AGBL4: variants seen among roughly 807,000 people sequenced by gnomAD.
The protein encoded by AGBL4 is cytosolic carboxypeptidase 6.
Under a neutral mutation model 66.4 loss-of-function variants are expected in AGBL4, and 58 were observed. The observed-to-expected ratio is 0.87, with a 90% confidence interval of 0.71 to 1.09. The LOEUF (loss-of-function observed/expected upper bound fraction) is 1.09, where lower values mean the gene tolerates loss of function less well. Ranked by LOEUF, AGBL4 falls within the 50% of genes least tolerant of loss-of-function variation. AGBL4 has a pLI of 0.00. For synonymous variants in AGBL4, 234 were observed against 222.9 expected, an observed-to-expected ratio of 1.05 and a Z score of -0.44; for missense variants, 579 against 631.0, an observed-to-expected ratio of 0.92 and a Z score of 0.88.
chr1:49,669,106 C>T (rs1646425972), intron 3 of AGBL4, among the ~76,000 whole-genome samples: 1 of 151,992 alleles, frequency 6.6e-6, no homozygotes, highest in African/African-American at 2.4e-5. Flanking sequence ...GTGCAGAAAA[C>T]GTGGGCACGT....
intron 11 of AGBL4, among the ~76,000 whole-genome samples, chr1:48,566,610 G>A (rs1035843563): frequency 6.6e-6 from 1 of 152,248 alleles, no homozygotes; most frequent in Non-Finnish European, 1.5e-5. Flanking sequence ...TTCTGTGAGG[G>A]TGCTTGTGGA....
intron 1 of AGBL4, among the ~76,000 whole-genome samples, chr1:49,948,033 TATAC>T (rs1320467323): frequency 3.5e-5 from 1 of 28,444 alleles, no homozygotes; most frequent in East Asian, 6.1e-4. Context: ...TATAAATATA[TATAC>T]ATATAAATAT....
At chr1:48,885,127 G>T (rs1012632877) in intron 5 of AGBL4, among the ~76,000 whole-genome samples, 2 of 152,112 alleles carry the variant, frequency 1.3e-5, no homozygotes, top group Admixed American at 1.3e-4. Context: ...GCCAAATCTG[G>T]TCTGTTTCCT....
In AGBL4 at chr1:48,838,957, A is replaced by G. The variant is rs189483263; in HGVS notation, c.634+28234T>C. 2.2e-4 allele frequency among the ~76,000 whole-genome samples: 34 copies of G among 152,288 alleles called. No homozygotes were observed. The East Asian group carries it at 6.2e-3, about 28-fold the overall frequency. ...CATCACTAATTATCAGGGAAATGCA[A>G]ATCAAAGCCACAATGAGGTATTATC... On this transcript the variant is annotated intron_variant, in intron 6 of 13. Coordinates refer to ENST00000371839, the MANE Select transcript of AGBL4 (RefSeq NM_032785.4).
At chr1:49,212,445 T>A in intron 4 of AGBL4, among the ~76,000 whole-genome samples, 1 of 152,174 alleles carries the variant, frequency 6.6e-6, no homozygotes, top group East Asian at 1.9e-4. Flanking sequence ...ACTGACGTTA[T>A]CAATTCTGGC....
At chr1:48,877,331 A>G (rs1490663145) in intron 5 of AGBL4, among the ~76,000 whole-genome samples, 1 of 152,140 alleles carries the variant, frequency 6.6e-6, no homozygotes, top group Non-Finnish European at 1.5e-5. Context: ...AGATTTACCA[A>G]GAGGGCCTCG....
At chr1:48,706,506 T>TA (rs1004329159) in intron 6 of AGBL4, among the ~76,000 whole-genome samples, 1 of 151,588 alleles carries the variant, frequency 6.6e-6, no homozygotes, top group Non-Finnish European at 1.5e-5. Flanking sequence ...TGTCAAAGAA[T>TA]AAAAAAATAC....
chr1:49,151,289 T>A (rs1285031998), intron 4 of AGBL4, among the ~76,000 whole-genome samples: 9 of 146,992 alleles, frequency 6.1e-5, no homozygotes, highest in Non-Finnish European at 1.2e-4. Flanking sequence ...AAAATATATA[T>A]ATATATATAT....
intron 6 of AGBL4, among the ~76,000 whole-genome samples, chr1:48,837,741 A>ATATATATATATGTATCTATC (rs1391171628): frequency 7.4e-6 from 1 of 134,844 alleles, no homozygotes; most frequent in African/African-American, 2.9e-5. Flanking sequence ...ATATATATAT[A>ATATATATATATGTATCTATC]TCCTGTTAGT....
intron 3 of AGBL4, among the ~76,000 whole-genome samples, chr1:49,294,206 T>C (rs897810974): frequency 2.6e-5 from 4 of 152,222 alleles, no homozygotes; most frequent in Non-Finnish European, 4.4e-5. Flanking sequence ...ATTAATGGTA[T>C]GTAACTCCCA....
At chr1:49,454,582 GTTTTC>G (rs1646349016) in intron 3 of AGBL4, among the ~76,000 whole-genome samples, 1 of 151,718 alleles carries the variant, frequency 6.6e-6, no homozygotes, top group Non-Finnish European at 1.5e-5. Context: ...GGATTGAGGA[GTTTTC>G]TTGAGTCCTT....
intron 1 of AGBL4, among the ~76,000 whole-genome samples, chr1:49,870,559 T>C (rs1050160800): frequency 2.7e-5 from 4 of 150,836 alleles, no homozygotes; most frequent in Non-Finnish European, 5.9e-5. Context: ...CCCCCATAAA[T>C]ATATATATCT....
At chr1:49,250,586 G>A (rs901700319) in intron 3 of AGBL4, among the ~76,000 whole-genome samples, 1 of 151,954 alleles carries the variant, frequency 6.6e-6, no homozygotes, top group African/African-American at 2.4e-5. Context: ...TGGGACTACA[G>A]GTGTGTGCCA....
intron 2 of AGBL4, among the ~76,000 whole-genome samples, chr1:49,759,563 A>G (rs1030516250): frequency 6.6e-6 from 1 of 152,232 alleles, no homozygotes; most frequent in Non-Finnish European, 1.5e-5. Flanking sequence ...AAGTATCAAT[A>G]TTGGTTCATT....
chr1:49,481,344 C>T (rs1201778675), intron 3 of AGBL4, among the ~76,000 whole-genome samples: 1 of 151,952 alleles, frequency 6.6e-6, no homozygotes, highest in Non-Finnish European at 1.5e-5. Flanking sequence ...ACTTCCACTT[C>T]TCTTGTTAGC....
In AGBL4 at chr1:48,579,972, T is replaced by C. The variant is rs372073486; in HGVS notation, c.1267+7032A>G. On this transcript the variant is annotated intron_variant, in intron 11 of 13. Coordinates refer to ENST00000371839, the MANE Select transcript of AGBL4 (RefSeq NM_032785.4). ...ATCCTACCTGTTAGATATTGGAACATGTTAAAATGGGACTTCTAAAATTGT... is the reference window on the plus strand; with the variant it reads ...ATCCTACCTGTTAGATATTGGAACACGTTAAAATGGGACTTCTAAAATTGT... Among the ~76,000 whole-genome samples, 10 of 148,424 alleles carry C rather than the reference T, an allele frequency of 6.7e-5. 1 individual carries two copies. Among genetic ancestry groups the C allele is most frequent in the East Asian group, 6.0e-4 (3 of 5,000 alleles).
rs568321237 is a variant in AGBL4, at chr1:48,570,703, G to A, written c.1267+16301C>T. On this transcript the variant is annotated intron_variant, in intron 11 of 13. Transcript: ENST00000371839. ...ATTCCCAGCTTTCTAAAACTCAGGC[G>A]CCTTCCTCATGCTGTAAATGTTGTG... Among the ~76,000 whole-genome samples the A allele has an allele frequency of 9.2e-5, 14 of 152,198 alleles. No individual in the cohort carries two copies. The South Asian group carries it at 1.7e-3, about 18-fold the overall frequency.
At chr1:49,967,183 T>C (rs565941112) in intron 1 of AGBL4, among the ~76,000 whole-genome samples, 3 of 152,188 alleles carry the variant, frequency 2.0e-5, no homozygotes, top group Non-Finnish European at 4.4e-5. Context: ...TTCCTGACTT[T>C]TAATGATCAC....
intron 2 of AGBL4, among the ~76,000 whole-genome samples, chr1:49,737,905 C>A (rs530643374): frequency 2.0e-5 from 3 of 152,210 alleles, no homozygotes; most frequent in Non-Finnish European, 4.4e-5. Context: ...ACACAGAAGA[C>A]GAATGATTTC....
Sources: gnomAD v4.1 joint callset for allele counts (sites outside exome capture counted in the v4.1 genomes callset) on GRCh38, gnomAD v4.1.1 for gene constraint, MANE v1.5 for transcripts, NCBI Gene and HGNC (gene_info 2026-07-23, HGNC 2026-07-21) for gene names.